DGKI: variants seen among roughly 807,000 people sequenced by gnomAD.
DGKI encodes DAG kinase iota.
In DGKI, 55 loss-of-function variants were observed where a neutral mutation model predicts 147.5. The observed-to-expected ratio is 0.37, with a 90% CI of 0.30 to 0.47. The LOEUF is 0.47. Among genes scored for constraint, DGKI ranks in the 20% least tolerant of loss-of-function variants. The probability of loss-of-function intolerance (pLI) is 1.00; values close to 1 mark genes in which losing one functional copy is unlikely to be tolerated. For missense variants in DGKI, 1,007 were observed against 1,323.8 expected (o/e 0.76, Z 3.71); for synonymous variants, 469 against 477.1 (o/e 0.98, Z 0.22).
chr7:137,652,104 G>C (rs144519555), intron 5 of DGKI, among the ~76,000 whole-genome samples: 2 of 152,272 alleles, frequency 1.3e-5, no homozygotes, highest in East Asian at 3.9e-4. Flanking sequence ...GACACAGTTT[G>C]TGGCTAAGGA....
chr7:137,792,278 A>G (rs1050828004), intron 1 of DGKI, among the ~76,000 whole-genome samples: 5 of 152,214 alleles, frequency 3.3e-5, no homozygotes, highest in Non-Finnish European at 7.3e-5. Context: ...TGAGAAATCA[A>G]TAACTACTTT....
At chr7:137,501,860 C>T (rs554866567) in intron 21 of DGKI, among the ~76,000 whole-genome samples, 9 of 152,260 alleles carry the variant, frequency 5.9e-5, no homozygotes, top group African/African-American at 2.2e-4. Context: ...CATCTTGTAG[C>T]TCCCATAATT....
intron 3 of DGKI, among the ~76,000 whole-genome samples, chr7:137,676,312 T>C (rs1823036887): frequency 6.6e-6 from 1 of 152,240 alleles, no homozygotes; most frequent in Admixed American, 6.5e-5. Flanking sequence ...GGGATGCCTT[T>C]GTATTCTTCA....
chr7:137,610,663 G>C (rs568646010), intron 8 of DGKI, among the ~76,000 whole-genome samples: 7 of 152,288 alleles, frequency 4.6e-5, no homozygotes, highest in East Asian at 1.9e-4. Context: ...TGCATGCATT[G>C]TTTGAGTAAA....
chr7:137,487,547 G>C, intron 22 of DGKI, 63 bp downstream of exon 22: 1 of 1,371,948 alleles, frequency 7.3e-7, no homozygotes, highest in South Asian at 1.2e-5. Context: ...AATATATATG[G>C]CTGGTAATTG....
At chr7:137,684,117 G>A (rs956482683) in intron 2 of DGKI, among the ~76,000 whole-genome samples, 4 of 152,224 alleles carry the variant, frequency 2.6e-5, no homozygotes, top group Admixed American at 2.0e-4. Flanking sequence ...AAAGGAAAAA[G>A]AGTGGATTGC....
chr7:137,665,794 T>C (rs1459392969), intron 3 of DGKI, among the ~76,000 whole-genome samples: 1 of 152,158 alleles, frequency 6.6e-6, no homozygotes, highest in Non-Finnish European at 1.5e-5. Flanking sequence ...CAGTGTATTT[T>C]ATATTTTTCA....
At chr7:137,562,230 T>C (rs28513312) in intron 19 of DGKI, among the ~76,000 whole-genome samples, 4,191 of 150,684 alleles carry the variant, frequency 0.028, 86 homozygotes, top group South Asian at 0.072. Flanking sequence ...GTGAAAGATG[T>C]ATGGAAGTAA....
At position 137,391,257 on chromosome 7, in the gene DGKI, T is replaced by G; in HGVS notation, c.3137A>C (p.Lys1046Thr). Residue 1046 changes from lysine to threonine, a missense_variant, in exon 33 of 33, where the codon AAG (lysine) becomes ACG (threonine). Physicochemically the swap from Lys to Thr is moderately conservative, Grantham distance 78. Around this residue, in one of 5 missense-constraint regions of DGKI, gnomAD observed 385 missense variants for 445.2 expected, o/e 0.86. Coordinates refer to ENST00000614521, the MANE Select transcript of DGKI (RefSeq NM_001321708.2). ...TTCCAGGTCCTCATGGCCAATGACC[T>G]TATAGTTCTGACGGCTTTCTAGGTA... ...AAYLESRQNY[K>T]VIGHEDLETA... 6.2e-7 allele frequency: 1 copy of G among 1,613,860 alleles called. No homozygotes were observed. Among genetic ancestry groups the G allele is most frequent in the African/African-American group, 1.3e-5 (1 of 74,964 alleles).
chr7:137,560,379 G>T (rs920023437), intron 19 of DGKI, among the ~76,000 whole-genome samples: 6 of 152,074 alleles, frequency 3.9e-5, no homozygotes, highest in Admixed American at 6.5e-5. Context: ...AGGGAGAATT[G>T]AGCATAAAAT....
intron 20 of DGKI, among the ~76,000 whole-genome samples, chr7:137,533,041 C>G (rs1817395088): frequency 1.3e-5 from 2 of 152,086 alleles, no homozygotes; most frequent in African/African-American, 4.8e-5. Context: ...GCAGTGGCAC[C>G]TGTAATTTCA....
intron 1 of DGKI, among the ~76,000 whole-genome samples, chr7:137,753,052 AC>A (rs1795558037): frequency 6.6e-6 from 1 of 151,786 alleles, no homozygotes; most frequent in Non-Finnish European, 1.5e-5. Context: ...ACATACACAC[AC>A]ACACACACAC....
At chr7:137,465,768 A>G (rs1814629865) in intron 26 of DGKI, 140 bp downstream of exon 26, 1 of 1,145,326 alleles carries the variant, frequency 8.7e-7, no homozygotes, top group African/African-American at 1.6e-5. Context: ...GACTTATAAT[A>G]ACCACTCTAA....
At chr7:137,607,583 A>G (rs1820225084) in intron 10 of DGKI, among the ~76,000 whole-genome samples, 1 of 152,170 alleles carries the variant, frequency 6.6e-6, no homozygotes, top group Non-Finnish European at 1.5e-5. Context: ...TTATATGTGG[A>G]CTGTCATGAC....
intron 12 of DGKI, among the ~76,000 whole-genome samples, chr7:137,587,890 T>C (rs1355619562): frequency 6.6e-6 from 1 of 152,246 alleles, no homozygotes; most frequent in Non-Finnish European, 1.5e-5. Flanking sequence ...ACTTATATAC[T>C]AGAATCATAT....
chr7:137,493,123 C>T (rs1298887192), intron 21 of DGKI, among the ~76,000 whole-genome samples: 1 of 152,218 alleles, frequency 6.6e-6, no homozygotes, highest in Non-Finnish European at 1.5e-5. Context: ...AGCATGAGCG[C>T]AACCTGCCCC....
chr7:137,696,498 C>G (rs981092602), intron 1 of DGKI, among the ~76,000 whole-genome samples: 2 of 121,204 alleles, frequency 1.7e-5, no homozygotes, highest in Non-Finnish European at 3.1e-5. Flanking sequence ...CAGCTGAATG[C>G]CCCTGAGAAC....
At chr7:137,845,408 G>A (rs1798682156) in intron 1 of DGKI, among the ~76,000 whole-genome samples, 1 of 152,330 alleles carries the variant, frequency 6.6e-6, no homozygotes, top group African/African-American at 2.4e-5. Context: ...TGGTTTTTGG[G>A]AAGGGAACAC....
At chr7:137,694,647 T>C (rs915015793) in intron 1 of DGKI, among the ~76,000 whole-genome samples, 14 of 152,212 alleles carry the variant, frequency 9.2e-5, no homozygotes, top group Non-Finnish European at 8.8e-5. Flanking sequence ...GAACCAGCTG[T>C]CTAAGAAGTT....
Sources: allele counts gnomAD v4.1 joint callset (sites outside exome capture counted in the v4.1 genomes callset), GRCh38; gene constraint gnomAD v4.1.1; regional missense constraint gnomAD v4.1.1; transcripts MANE v1.5; gene names NCBI Gene and HGNC (gene_info 2026-07-23, HGNC 2026-07-21).